ACTL9: variants seen among roughly 807,000 people sequenced by gnomAD.
ACTL9 encodes the protein actin like 9, also known as actin-like protein 9.
ACTL9 carries 1 observed loss-of-function variant against 0.9 expected under a neutral mutation model. That is an observed-to-expected ratio of 1.10 (90% CI 0.39 to 5.23). ACTL9 has a LOEUF of 5.23. ACTL9 is among the 30% of genes most tolerant of loss of function. The pLI is 0.16. For synonymous variants in ACTL9, 283 were observed against 269.5 expected (o/e 1.05, Z -0.49); for missense variants, 597 against 566.8 (o/e 1.05, Z -0.54).
chr19:8,698,125 C>T lies in ACTL9; in HGVS notation c.577G>A (p.Gly193Arg), dbSNP rs2043209306. ...LSVYAHGRVS[G>R]LVVDTGHGVT... ...CCGTGTCCCGTGTCCACCACCAGCC[C>T]GCTGACACGACCGTGGGCGTAGACA... Residue 193 changes from glycine (G) to arginine (R), a missense_variant, in exon 1 of 1, where the codon GGG becomes AGG. By Grantham distance (125) the Gly-to-Arg change is moderately radical (BLOSUM62 -2). Transcript: ENST00000324436. The T allele has an allele frequency of 1.9e-6, 3 of 1,605,628 alleles. No homozygotes were observed. The highest frequency in any genetic ancestry group is 1.3e-5 in the African/African-American group (1 of 74,920).
rs549819286 is a variant in ACTL9 at position 8,698,560 on chromosome 19, T to C, written c.142A>G (p.Lys48Glu). The C allele has an allele frequency of 1.2e-6, 2 of 1,612,530 alleles. No individual in the cohort carries two copies. Among genetic ancestry groups the C allele is most frequent in the South Asian group, 2.2e-5 (2 of 90,918 alleles). The change falls in exon 1 of 1, where the codon AAG becomes GAG. Residue 48 changes from lysine (K) to glutamate (E), a missense_variant. By Grantham distance (56) the Lys-to-Glu change is moderately conservative. Coordinates refer to ENST00000324436, the MANE Select transcript of ACTL9 (RefSeq NM_178525.5). ...PGMVADRLPP[K>E]TGAVVIDMGT... ...ATGTCAATAACCACCGCGCCGGTCTTTGGTGGCAGCCTGTCGGCCACCATG... is the reference window on the plus strand; with the variant it reads ...ATGTCAATAACCACCGCGCCGGTCTCTGGTGGCAGCCTGTCGGCCACCATG...
chr19:8,698,406 C>A lies in ACTL9; in HGVS notation c.296G>T (p.Gly99Val). Residue 99 changes from glycine (G) to valine (V), a missense_variant, in exon 1 of 1, where the codon GGC becomes GTC. By Grantham distance (109) the Gly-to-Val change is moderately radical (BLOSUM62 -3). Transcript: ENST00000324436. ...CTCTGGGAGCACGCGGGCTGCCTCG[C>A]CGATGAACGTCTGCAGCCCGGACTG... ...SGQSGLQTFI[G>V]EAARVLPELT... 1.3e-6 allele frequency: 2 copies of A among 1,516,708 alleles called. No individual in the cohort carries two copies. The highest frequency in any genetic ancestry group is 1.8e-6 in the Non-Finnish European group (2 of 1,131,928). 94.0% of individuals were successfully genotyped at this position (1,516,708 alleles called of 1,614,324 possible).
chr19:8,698,245 A>C lies in ACTL9; in HGVS notation c.457T>G (p.Phe153Val), dbSNP rs1568431390. 5 of 1,578,076 alleles carry C rather than the reference A, an allele frequency of 3.2e-6. No individual in the cohort carries two copies. The Admixed American group carries it at 8.6e-5, about 27-fold the overall frequency. ...TTCTCGCGGTTGGTGGCCGGGCTGA[A>C]GGGTGGGTCGGAGAACAGCAGCGGG... ...DHPLLFSDPPFSPATNREKLV... is the reference protein window; with the variant it reads ...DHPLLFSDPPVSPATNREKLV... Residue 153 changes from phenylalanine (F) to valine (V), a missense_variant, in exon 1 of 1, where the codon TTC becomes GTC. By Grantham distance (50) the Phe-to-Val change is conservative (BLOSUM62 -1). Coordinates refer to ENST00000324436, the MANE Select transcript of ACTL9 (RefSeq NM_178525.5).
Position 8,697,577 on chromosome 19 carries a change from G to A in ACTL9, c.1125C>T (p.Thr375=), listed in dbSNP as rs899298532. 3.7e-6 allele frequency: 6 copies of A among 1,613,540 alleles called. No homozygotes were observed. The African/African-American group carries it at 5.3e-5, about 14-fold the overall frequency. Residue 375 remains threonine (T), a synonymous_variant, in exon 1 of 1, where the codon ACC becomes ACT. Coordinates refer to ENST00000324436, the MANE Select transcript of ACTL9 (RefSeq NM_178525.5). The surrounding 1 kb of genome is among the most constrained non-coding windows in gnomAD (Gnocchi z 4.3). ...CCCCGATCCATACGGAGAAATTCCT[G>A]GTGGGCTGGGCAGCCACCACCACGT... The part of the protein sequence containing the change: ...ETHVVVAAQP[T]RNFSVWIGGS...
rs1237128465 is a variant in ACTL9 at position 8,698,237 on chromosome 19, C to G, written c.465G>C (p.Pro155=). 1 of 1,584,960 alleles carries G rather than the reference C, an allele frequency of 6.3e-7. No individual in the cohort carries two copies. Among genetic ancestry groups the G allele is most frequent in the African/African-American group, 1.3e-5 (1 of 74,580 alleles). Reference sequence around the variant, plus strand: ...CCACTAGCTTCTCGCGGTTGGTGGCCGGGCTGAAGGGTGGGTCGGAGAACA... The same window carrying G: ...CCACTAGCTTCTCGCGGTTGGTGGCGGGGCTGAAGGGTGGGTCGGAGAACA... ...PLLFSDPPFS[P]ATNREKLVEV... Residue 155 remains proline (P), a synonymous_variant, in exon 1 of 1, where the codon CCG becomes CCC. Coordinates refer to ENST00000324436, the MANE Select transcript of ACTL9 (RefSeq NM_178525.5).
chr19:8,698,201 G>A lies in ACTL9; in HGVS notation c.501C>T (p.Phe167=), dbSNP rs1555753419. Residue 167 remains phenylalanine (F), a synonymous_variant, in exon 1 of 1, where the codon TTC becomes TTT. Coordinates refer to ENST00000324436, the MANE Select transcript of ACTL9 (RefSeq NM_178525.5). ...TNREKLVEVA[F]ESLRSPAMYV... ...ACATGGCTGGGGAGCGCAGCGACTC[G>A]AAGGCCACCTCCACTAGCTTCTCGC... is the stretch of plus-strand genomic sequence containing the variant. The A allele has an allele frequency of 1.0e-5, 16 of 1,605,566 alleles. No individual in the cohort carries two copies. The highest frequency in any genetic ancestry group is 1.4e-5 in the Non-Finnish European group (16 of 1,176,902).
chr19:8,697,470 A>G lies in ACTL9; in HGVS notation c.1232T>C (p.Val411Ala), dbSNP rs1379838039. The part of the protein sequence containing the change: ...EQYEEQGPYI[V>A]YRKCY ...CCCTGGTCAGTAGCATTTGCGGTACACGATATAGGGACCCTGTTCCTCGTA... is the reference window on the plus strand; with the variant it reads ...CCCTGGTCAGTAGCATTTGCGGTACGCGATATAGGGACCCTGTTCCTCGTA... Residue 411 changes from valine (V) to alanine (A), a missense_variant, in exon 1 of 1, where the codon GTG becomes GCG. By Grantham distance (64) the Val-to-Ala change is moderately conservative (BLOSUM62 0). Transcript: ENST00000324436. The surrounding 1 kb of genome is among the most constrained non-coding windows in gnomAD (Gnocchi z 4.3). The G allele has an allele frequency of 5.6e-6, 9 of 1,600,686 alleles. No individual in the cohort carries two copies. Among genetic ancestry groups the G allele is most frequent in the Non-Finnish European group, 7.7e-6 (9 of 1,174,814 alleles).
In ACTL9 at chr19:8,697,587, G is replaced by GCAGC; in HGVS notation, c.1111_1114dup (p.Ala372GlyfsTer59). ...TACGGAGAAATTCCTGGTGGGCTGG[G>GCAGC]CAGCCACCACCACGTGGGTCTCGGC... On this transcript the variant is annotated frameshift_variant, in exon 1 of 1. Transcript: ENST00000324436. LOFTEE classifies it low-confidence loss of function (END_TRUNC). This position sits in a 1 kb window ranked among gnomAD's most constrained non-coding sequence, Gnocchi z 4.3. 1 of 1,613,526 alleles carries GCAGC rather than the reference G, an allele frequency of 6.2e-7. No homozygotes were observed. The highest frequency in any genetic ancestry group is 8.5e-7 in the Non-Finnish European group (1 of 1,179,906).
rs2043214580 is a variant in ACTL9 at position 8,698,739 on chromosome 19, G to A, written c.-38C>T. 1 of 1,479,542 alleles carries A rather than the reference G, an allele frequency of 6.8e-7. No homozygotes were observed. The highest frequency in any genetic ancestry group is 1.4e-5 in the African/African-American group (1 of 70,558). 91.7% of individuals were successfully genotyped at this position (1,479,542 alleles called of 1,614,324 possible). ...CCAGGTGAGGGGGCTTTTCCTCTGG[G>A]GTTGGGGTTGCGGGGAGAAGAGGTT... On this transcript the variant is annotated 5_prime_UTR_variant, in exon 1 of 1. Transcript: ENST00000324436.
In ACTL9 at chr19:8,697,464, C is replaced by A; in HGVS notation, c.1238G>T (p.Arg413Leu). Reference sequence around the variant, plus strand: ...GCTCTGCCCTGGTCAGTAGCATTTGCGGTACACGATATAGGGACCCTGTTC... The same window carrying A: ...GCTCTGCCCTGGTCAGTAGCATTTGAGGTACACGATATAGGGACCCTGTTC... ...YEEQGPYIVY[R>L]KCY Residue 413 changes from arginine to leucine, a missense_variant, in exon 1 of 1, where the codon CGC becomes CTC. Physicochemically the swap from Arg to Leu is moderately radical, Grantham distance 102 (BLOSUM62 -2). Transcript: ENST00000324436. This position sits in a 1 kb window ranked among gnomAD's most constrained non-coding sequence, Gnocchi z 4.3. 6.3e-7 allele frequency: 1 copy of A among 1,594,392 alleles called. No homozygotes were observed.
At position 8,697,880 on chromosome 19, in the gene ACTL9, C is replaced by T. The variant is rs782201090; in HGVS notation, c.822G>A (p.Gln274=). ...GCAGCTTCAGAGTCCGCTTGTACTC[C>T]TGCTCCGGCCGGGCCTGCTCCTTCT... is the stretch of plus-strand genomic sequence containing the variant. ...DFQKEQARPE[Q]EYKRTLKLPD... Residue 274 remains glutamine (Q), a synonymous_variant, in exon 1 of 1, where the codon CAG becomes CAA. Coordinates refer to ENST00000324436, the MANE Select transcript of ACTL9 (RefSeq NM_178525.5). The surrounding 1 kb of genome is among the most constrained non-coding windows in gnomAD (Gnocchi z 4.3). 6.2e-7 allele frequency: 1 copy of T among 1,613,386 alleles called. No individual in the cohort carries two copies. The highest frequency in any genetic ancestry group is 8.5e-7 in the Non-Finnish European group (1 of 1,179,964).
rs782699366 is a variant in ACTL9, at chr19:8,697,559, C to A, written c.1143G>T (p.Trp381Cys). The change falls in exon 1 of 1, where the codon TGG becomes TGT. Residue 381 changes from tryptophan (W) to cysteine (C), a missense_variant. Physicochemically the swap from Trp to Cys is radical, Grantham distance 215 (BLOSUM62 -2). Transcript: ENST00000324436. The surrounding 1 kb of genome is among the most constrained non-coding windows in gnomAD (Gnocchi z 4.3). ...AAQPTRNFSVWIGGSILASLR... is the reference protein window; with the variant it reads ...AAQPTRNFSVCIGGSILASLR... ...GGGAGGCCAGGATGGAGCCCCCGAT[C>A]CATACGGAGAAATTCCTGGTGGGCT... 6 of 1,613,654 alleles carry A rather than the reference C, an allele frequency of 3.7e-6. No individual in the cohort carries two copies. In the Admixed American group the frequency reaches 5.0e-5, roughly 13 times the overall value.
At position 8,698,707 on chromosome 19, in the gene ACTL9, C is replaced by T. The variant is rs1555753559; in HGVS notation, c.-6G>A. Reference sequence around the variant, plus strand: ...TTGGGGCGACTTGCATCCATGGTTGCGGGACGCCAGGTGAGGGGGCTTTTC... The same window carrying T: ...TTGGGGCGACTTGCATCCATGGTTGTGGGACGCCAGGTGAGGGGGCTTTTC... On this transcript the variant is annotated 5_prime_UTR_variant, in exon 1 of 1. Coordinates refer to ENST00000324436, the MANE Select transcript of ACTL9 (RefSeq NM_178525.5). 3 of 1,289,218 alleles carry T rather than the reference C, an allele frequency of 2.3e-6. No homozygotes were observed. The highest frequency in any genetic ancestry group is 3.0e-6 in the Non-Finnish European group (3 of 994,224). 79.9% of individuals were successfully genotyped at this position (1,289,218 alleles called of 1,614,324 possible).
Position 8,698,354 on chromosome 19 carries a change from G to T in ACTL9, c.348C>A (p.Ser116Arg). The T allele has an allele frequency of 2.6e-6, 4 of 1,519,096 alleles. No homozygotes were observed. The highest frequency in any genetic ancestry group is 3.5e-6 in the Non-Finnish European group (4 of 1,132,860). 94.1% of individuals were successfully genotyped at this position (1,519,096 alleles called of 1,614,324 possible). Reference protein sequence around the residue: ...PELTLVQPLRSGIVVDWDAAE... With the variant: ...PELTLVQPLRRGIVVDWDAAE... ...CGGCATCCCAGTCCACGACGATGCC[G>T]CTGCGCAGGGGTTGCACCAGCGTCA... Residue 116 changes from serine to arginine, a missense_variant, in exon 1 of 1, where the codon AGC (serine) becomes AGA (arginine). Ser to Arg is a moderately radical substitution (Grantham distance 110, BLOSUM62 -1). Transcript: ENST00000324436.
At position 8,697,848 on chromosome 19, in the gene ACTL9, C is replaced by G; in HGVS notation, c.854G>C (p.Gly285Ala). The G allele has an allele frequency of 6.2e-7, 1 of 1,613,150 alleles. No individual in the cohort carries two copies. The highest frequency in any genetic ancestry group is 8.5e-7 in the Non-Finnish European group (1 of 1,179,922). Residue 285 changes from glycine to alanine, a missense_variant, in exon 1 of 1, where the codon GGG becomes GCG. Physicochemically the swap from Gly to Ala is moderately conservative, Grantham distance 60. Coordinates refer to ENST00000324436, the MANE Select transcript of ACTL9 (RefSeq NM_178525.5). This position sits in a 1 kb window ranked among gnomAD's most constrained non-coding sequence, Gnocchi z 4.3. ...EYKRTLKLPD[G>A]RTVTLGKELF... Reference sequence around the variant, plus strand: ...CTCCTTGCCCAGGGTGACCGTGCGCCCATCGGGCAGCTTCAGAGTCCGCTT... The same window carrying G: ...CTCCTTGCCCAGGGTGACCGTGCGCGCATCGGGCAGCTTCAGAGTCCGCTT...
chr19:8,698,341 C>T lies in ACTL9; in HGVS notation c.361G>A (p.Asp121Asn), dbSNP rs1486264779. 2.0e-6 allele frequency: 3 copies of T among 1,522,462 alleles called. No individual in the cohort carries two copies. The South Asian group carries it at 3.9e-5, about 20-fold the overall frequency. The allele number at this position is 1,522,462 out of a possible 1,614,324, so 94.3% of individuals were successfully genotyped here. A position where few individuals can be genotyped will look rare whatever the true frequency, so the allele number is the denominator to read the frequency against. Residue 121 changes from aspartate to asparagine, a missense_variant, in exon 1 of 1, where the codon GAC (aspartate) becomes AAC (asparagine). By Grantham distance (23) the Asp-to-Asn change is conservative (BLOSUM62 1). Transcript: ENST00000324436. ...CAGATGAGCTCGGCGGCATCCCAGT[C>T]CACGACGATGCCGCTGCGCAGGGGT... is the stretch of plus-strand genomic sequence containing the variant. ...VQPLRSGIVV[D>N]WDAAELIWRH... is the part of the protein sequence containing the mutation.
rs782344531 is a variant in ACTL9, at chr19:8,698,223, T to C, written c.479A>G (p.Glu160Gly). Residue 160 changes from glutamate (E) to glycine (G), a missense_variant, in exon 1 of 1, where the codon GAG becomes GGG. Glu to Gly is a moderately conservative substitution (Grantham distance 98). Transcript: ENST00000324436. ...CTCGAAGGCCACCTCCACTAGCTTC[T>C]CGCGGTTGGTGGCCGGGCTGAAGGG... ...DPPFSPATNR[E>G]KLVEVAFESL... 9.4e-6 allele frequency: 15 copies of C among 1,593,866 alleles called. No homozygotes were observed. In the African/African-American group the frequency reaches 1.9e-4, roughly 20 times the overall value.
In ACTL9 at chr19:8,698,599, G is replaced by A. The variant is rs782083726; in HGVS notation, c.103C>T (p.Arg35Trp). The A allele has an allele frequency of 4.3e-6, 7 of 1,611,728 alleles. No individual in the cohort carries two copies. In the South Asian group the frequency reaches 7.7e-5, roughly 18 times the overall value. The change falls in exon 1 of 1, where the codon CGG becomes TGG. Residue 35 changes from arginine (R) to tryptophan (W), a missense_variant. Coordinates refer to ENST00000324436, the MANE Select transcript of ACTL9 (RefSeq NM_178525.5). ...TCGGCCACCATGCCGGGGGAGTCCC[G>A]CTGCAGGGGCTTGTTCACCACGTTG... ...SPNVVNKPLQ[R>W]DSPGMVADRL...
Position 8,697,844 on chromosome 19 carries a change from G to T in ACTL9, c.858C>A (p.Arg286=). The T allele has an allele frequency of 6.2e-7, 1 of 1,613,142 alleles. No individual in the cohort carries two copies. Among genetic ancestry groups the T allele is most frequent in the Non-Finnish European group, 8.5e-7 (1 of 1,179,920 alleles). Residue 286 remains arginine, a synonymous_variant, in exon 1 of 1, where the codon CGC becomes CGA. Transcript: ENST00000324436. This position sits in a 1 kb window ranked among gnomAD's most constrained non-coding sequence, Gnocchi z 4.3. Reference sequence around the variant, plus strand: ...ACAGCTCCTTGCCCAGGGTGACCGTGCGCCCATCGGGCAGCTTCAGAGTCC... The same window carrying T: ...ACAGCTCCTTGCCCAGGGTGACCGTTCGCCCATCGGGCAGCTTCAGAGTCC... ...YKRTLKLPDG[R]TVTLGKELFQ... is the part of the protein sequence containing the mutation.
Sources: allele counts gnomAD v4.1 joint callset, GRCh38; gene constraint gnomAD v4.1.1; non-coding constraint Gnocchi (gnomAD v3.1); transcripts MANE v1.5; gene names NCBI Gene and HGNC (gene_info 2026-07-23, HGNC 2026-07-21).